Variants in BPIFC observed in about 807,000 individuals in gnomAD.
BPIFC encodes the protein BPI fold-containing family C protein.
A neutral mutation model predicts 57.6 loss-of-function variants in BPIFC; 60 were observed. That is an observed-to-expected ratio of 1.04 (90% CI 0.85 to 1.29). The LOEUF (loss-of-function observed/expected upper bound fraction) is 1.29, where lower values mean the gene tolerates loss of function less well. Ranked by LOEUF, BPIFC falls within the 50% of genes most tolerant of loss-of-function variation. The probability of loss-of-function intolerance (pLI) is 0.00; values close to 1 mark genes in which losing one functional copy is unlikely to be tolerated. For missense variants in BPIFC, 581 were observed against 600.5 expected (o/e 0.97, Z 0.34); for synonymous variants, 243 against 224.5 (o/e 1.08, Z -0.74).
chr22:32,414,740 C>T (rs1228201723), intron 16 of BPIFC, among the ~76,000 whole-genome samples: 1 of 152,146 alleles, frequency 6.6e-6, no homozygotes, highest in African/African-American at 2.4e-5. Context: ...TCTCGAACTC[C>T]TGACCACCTC....
intron 4 of BPIFC, among the ~76,000 whole-genome samples, chr22:32,449,911 C>T (rs183798132): frequency 0.012 from 1,892 of 151,850 alleles, 41 homozygotes; most frequent in African/African-American, 0.044. Flanking sequence ...ATTTTTTGTA[C>T]TTTTAGTAGA....
chr22:32,416,271 CAG>C (rs1933674661), intron 15 of BPIFC, among the ~76,000 whole-genome samples: 1 of 152,048 alleles, frequency 6.6e-6, no homozygotes. Context: ...TTAGTAGAGA[CAG>C]GGTTTCACCA....
chr22:32,418,003 A>G (rs9621438), intron 14 of BPIFC, among the ~76,000 whole-genome samples: 3,578 of 152,226 alleles, frequency 0.024, 131 homozygotes, highest in African/African-American at 0.076. Context: ...GAGTTTATGT[A>G]TGAAACTATT....
At chr22:32,438,321 G>A (rs1391552791) in intron 8 of BPIFC, among the ~76,000 whole-genome samples, 1 of 152,198 alleles carries the variant, frequency 6.6e-6, no homozygotes, top group Non-Finnish European at 1.5e-5. Context: ...TGCAGATAAG[G>A]GAGGACTACT....
intron 13 of BPIFC, among the ~76,000 whole-genome samples, chr22:32,429,515 T>TG (rs1934173367): frequency 2.5e-5 from 3 of 119,484 alleles, no homozygotes; most frequent in South Asian, 5.6e-4. Flanking sequence ...CTTTGTTTTT[T>TG]TTTTTTTTTT....
At position 32,424,603 on chromosome 22, in the gene BPIFC, C is replaced by CTTCTTCTTCTTCTTCTTCTT; in HGVS notation, c.1218-5200_1218-5199insAAGAAGAAGAAGAAGAAGAA. 5.3e-3 allele frequency among the ~76,000 whole-genome samples: 208 copies of CTTCTTCTTCTTCTTCTTCTT among 38,994 alleles called. 51 individuals carry two copies. Among genetic ancestry groups the CTTCTTCTTCTTCTTCTTCTT allele is most frequent in the African/African-American group, 0.019 (127 of 6,762 alleles). The allele number at this position is 38,994 out of a possible 152,430, so 25.6% of individuals were successfully genotyped here. On this transcript the variant is annotated intron_variant, in intron 13 of 16. Coordinates refer to ENST00000300399, the MANE Select transcript of BPIFC (RefSeq NM_174932.3). Reference sequence around the variant, plus strand: ...TTCTTCTTCTTCTTCTTCTTCTTCTCCTCCTCCTCCTCCTCCTCCTCCTCC... The same window carrying CTTCTTCTTCTTCTTCTTCTT: ...TTCTTCTTCTTCTTCTTCTTCTTCTCTTCTTCTTCTTCTTCTTCTTCTCCTCCTCCTCCTCCTCCTCCTCC...
chr22:32,458,238 A>T (rs773014558), intron 2 of BPIFC, among the ~76,000 whole-genome samples: 10 of 152,188 alleles, frequency 6.6e-5, no homozygotes, highest in Non-Finnish European at 1.2e-4. Flanking sequence ...TGATCCCAGC[A>T]TCACTGGCTA....
intron 12 of BPIFC, 113 bp from the exon 13 acceptor site, chr22:32,431,527 G>A (rs1477017073): frequency 2.9e-6 from 2 of 694,534 alleles, no homozygotes; most frequent in Non-Finnish European, 4.8e-6. Flanking sequence ...TTAGTGTAAA[G>A]ACATTGGAAG....
chr22:32,414,402 G>T lies in BPIFC; in HGVS notation c.1425C>A (p.Asp475Glu). The change falls in exon 17 of 17, where the codon GAC becomes GAA. Residue 475 changes from aspartate (D) to glutamate (E), a missense_variant. Transcript: ENST00000300399. ...VLEGFLLIST[D>E]LKYETSSKQQ... ...GCTTTGAGGATGTTTCATACTTCAG[G>T]TCGGTGGAAATCAAAAGGAAACCCT... 1.2e-6 allele frequency: 2 copies of T among 1,613,952 alleles called. No homozygotes were observed. The highest frequency in any genetic ancestry group is 1.7e-6 in the Non-Finnish European group (2 of 1,179,882).
chr22:32,418,028 CTT>C (rs1393523186), intron 14 of BPIFC, among the ~76,000 whole-genome samples: 1 of 152,102 alleles, frequency 6.6e-6, no homozygotes, highest in African/African-American at 2.4e-5. Context: ...TACACTGCCT[CTT>C]GACGTAAAAA....
At chr22:32,446,581 G>A (rs867556519) in intron 5 of BPIFC, 1 of 191,504 alleles carries the variant, frequency 5.2e-6, no homozygotes, top group Non-Finnish European at 9.6e-6. Context: ...TTTAGATGGG[G>A]ATAAATGTTA....
intron 1 of BPIFC, among the ~76,000 whole-genome samples, chr22:32,463,488 G>C (rs997533653): frequency 1.3e-5 from 2 of 152,274 alleles, no homozygotes; most frequent in South Asian, 2.1e-4. Flanking sequence ...TGACAGCTAA[G>C]AAAATGCCAG....
intron 10 of BPIFC, among the ~76,000 whole-genome samples, chr22:32,434,102 A>G (rs1315564772): frequency 6.7e-6 from 1 of 149,204 alleles, no homozygotes; most frequent in African/African-American, 2.5e-5. Flanking sequence ...ATATATCTAT[A>G]TGTACATATT....
Position 32,445,616 on chromosome 22 carries a change from C to A in BPIFC, c.594+19G>T. On this transcript the variant is annotated intron_variant, in intron 7 of 16. Coordinates refer to ENST00000300399, the MANE Select transcript of BPIFC (RefSeq NM_174932.3). ...ACTAATGGCATTTTACTGTGGTTGC[C>A]TAACCTCTAAAGACTCACCATTTCA... The A allele has an allele frequency of 1.3e-6, 2 of 1,571,198 alleles. No individual in the cohort carries two copies. Among genetic ancestry groups the A allele is most frequent in the South Asian group, 1.2e-5 (1 of 86,868 alleles).
At chr22:32,443,162 CT>C (rs57447537) in intron 7 of BPIFC, among the ~76,000 whole-genome samples, 2,103 of 133,822 alleles carry the variant, frequency 0.016, 15 homozygotes, top group South Asian at 0.028. Flanking sequence ...AGAGCTGGAG[CT>C]TTTTTTTTTT....
intron 13 of BPIFC, among the ~76,000 whole-genome samples, chr22:32,423,976 A>T (rs546341797): frequency 4.7e-5 from 6 of 126,964 alleles, no homozygotes; most frequent in African/African-American, 1.3e-4. Context: ...CTGACTTGTC[A>T]TGTCTCTTGG....
chr22:32,432,314 G>C (rs899323076), intron 12 of BPIFC, 59 bp downstream of exon 12: 1 of 1,573,868 alleles, frequency 6.4e-7, no homozygotes, highest in African/African-American at 1.3e-5. Flanking sequence ...CTGGCCAACA[G>C]TCCACAGCAG....
chr22:32,439,649 C>A (rs1369793278), intron 8 of BPIFC, among the ~76,000 whole-genome samples: 1 of 151,692 alleles, frequency 6.6e-6, no homozygotes, highest in Non-Finnish European at 1.5e-5. Flanking sequence ...GAGTCTTGCT[C>A]TGTCACCCAG....
intron 8 of BPIFC, among the ~76,000 whole-genome samples, chr22:32,439,936 C>G (rs889289828): frequency 6.6e-6 from 1 of 151,958 alleles, no homozygotes; most frequent in African/African-American, 2.4e-5. Flanking sequence ...TTTTAAAATA[C>G]TTTCAAGTTG....
Sources: gnomAD v4.1 joint callset for allele counts (sites outside exome capture counted in the v4.1 genomes callset) on GRCh38, gnomAD v4.1.1 for gene constraint, MANE v1.5 for transcripts, NCBI Gene and HGNC (gene_info 2026-07-23, HGNC 2026-07-21) for gene names.